The following EGFLAM variants were observed in gnomAD, a reference collection of about 807,000 sequenced individuals.
The protein encoded by EGFLAM is EGF like, fibronectin type III and laminin G domains.
Under a neutral mutation model 113.1 loss-of-function variants are expected in EGFLAM, and 79 were observed. That is an observed-to-expected ratio of 0.70 (90% CI 0.58 to 0.84). The LOEUF is 0.84. Ranked by LOEUF, EGFLAM falls within the 40% of genes least tolerant of loss-of-function variation. EGFLAM has a pLI of 0.00. For synonymous variants in EGFLAM, 504 were observed against 487.6 expected, an observed-to-expected ratio of 1.03 and a Z score of -0.44; for missense variants, 1,265 against 1,291.6, an observed-to-expected ratio of 0.98 and a Z score of 0.32.
At chr5:38,393,776 A>T (rs949026233) in intron 6 of EGFLAM, among the ~76,000 whole-genome samples, 3 of 152,202 alleles carry the variant, frequency 2.0e-5, no homozygotes, top group African/African-American at 7.2e-5. Context: ...CAAGCATGTT[A>T]CCACCAATGC....
At chr5:38,363,320 T>C (rs1739976628) in intron 5 of EGFLAM, among the ~76,000 whole-genome samples, 1 of 152,180 alleles carries the variant, frequency 6.6e-6, no homozygotes, top group African/African-American at 2.4e-5. Flanking sequence ...GGTGTTTAAC[T>C]GGCAGTCCAT....
intron 12 of EGFLAM, among the ~76,000 whole-genome samples, chr5:38,421,796 G>A (rs142480370): frequency 2.5e-4 from 38 of 152,252 alleles, no homozygotes; most frequent in Middle Eastern, 3.4e-3. Context: ...AAGAGTAGGA[G>A]TGAAAATGTG....
chr5:38,338,629 G>T, intron 2 of EGFLAM, 69 bp from the exon 3 acceptor site: 1 of 1,441,588 alleles, frequency 6.9e-7, no homozygotes, highest in Non-Finnish European at 9.8e-7. Context: ...CACTGTGAGT[G>T]CAATTACAAC....
intron 6 of EGFLAM, among the ~76,000 whole-genome samples, chr5:38,387,176 AG>A (rs1165428549): frequency 2.6e-5 from 4 of 152,178 alleles, no homozygotes; most frequent in African/African-American, 9.6e-5. Context: ...CAAAAGGCAT[AG>A]GGGCATAGAG....
intron 17 of EGFLAM, among the ~76,000 whole-genome samples, chr5:38,441,623 C>T (rs956723299): frequency 1.3e-5 from 2 of 151,904 alleles, no homozygotes; most frequent in Non-Finnish European, 2.9e-5. Context: ...CACACACACA[C>T]GCATTCACGT....
Position 38,427,130 on chromosome 5 carries a change from C to T in EGFLAM, c.1932C>T (p.Asp644=), listed in dbSNP as rs145112449. ...FMEFEITFRP[D]SGDGVLLYSY... ...AATTTGAGATCACATTTCGGCCAGA[C>T]TCAGGAGATGGTGTCCTCCTGTACA... The change falls in exon 14 of 22, where the codon GAC becomes GAT. Residue 644 remains aspartate, a synonymous_variant. Transcript: ENST00000322350. 2,946 of 1,614,150 alleles carry T rather than the reference C, an allele frequency of 1.8e-3. 3 individuals are homozygous for T. The highest frequency in any genetic ancestry group is 2.2e-3 in the Non-Finnish European group (2,645 of 1,180,022).
intron 1 of EGFLAM, among the ~76,000 whole-genome samples, chr5:38,332,980 G>A (rs555503632): frequency 6.6e-4 from 101 of 152,306 alleles, no homozygotes; most frequent in African/African-American, 1.5e-3. Context: ...ACACCCCAGC[G>A]TCTGTTGTTT....
chr5:38,438,147 A>C, intron 16 of EGFLAM, 128 bp from the exon 17 acceptor site: 2 of 866,238 alleles, frequency 2.3e-6, no homozygotes, highest in Non-Finnish European at 1.6e-6. Flanking sequence ...AAAAGTGGAA[A>C]CTGGACTTAA....
intron 17 of EGFLAM, among the ~76,000 whole-genome samples, chr5:38,444,293 A>T (rs1247697301): frequency 6.6e-6 from 1 of 152,256 alleles, no homozygotes; most frequent in Non-Finnish European, 1.5e-5. Context: ...TGTAGAAAAA[A>T]TTAGGTATAC....
At chr5:38,277,602 AAAGAAG>A (rs77448565) in intron 1 of EGFLAM, among the ~76,000 whole-genome samples, 1 of 151,582 alleles carries the variant, frequency 6.6e-6, no homozygotes, top group Non-Finnish European at 1.5e-5. Flanking sequence ...TCTAAATGGG[AAAGAAG>A]AAGTGAAACT....
At chr5:38,320,940 A>C (rs1300491133) in intron 1 of EGFLAM, among the ~76,000 whole-genome samples, 2 of 152,156 alleles carry the variant, frequency 1.3e-5, no homozygotes, top group Non-Finnish European at 2.9e-5. Flanking sequence ...CCTTCTAGAA[A>C]GTTCCCCGAC....
At chr5:38,304,204 C>T (rs988753417) in intron 1 of EGFLAM, among the ~76,000 whole-genome samples, 1 of 151,748 alleles carries the variant, frequency 6.6e-6, no homozygotes, top group Non-Finnish European at 1.5e-5. Context: ...CAGATTTACC[C>T]TTTGGAATTC....
At chr5:38,273,939 T>G (rs1351030549) in intron 1 of EGFLAM, among the ~76,000 whole-genome samples, 1 of 152,082 alleles carries the variant, frequency 6.6e-6, no homozygotes, top group Non-Finnish European at 1.5e-5. Flanking sequence ...TTAAGGAAGT[T>G]CAATGAACTT....
intron 10 of EGFLAM, 82 bp from the exon 11 acceptor site, chr5:38,412,422 C>T (rs1741508945): frequency 6.2e-7 from 1 of 1,603,902 alleles, no homozygotes; most frequent in Non-Finnish European, 8.5e-7. Context: ...GAGCTGTTGA[C>T]CTGGAAGTGA....
chr5:38,343,971 T>C (rs1739410678), intron 3 of EGFLAM, among the ~76,000 whole-genome samples: 1 of 152,250 alleles, frequency 6.6e-6, no homozygotes, highest in Non-Finnish European at 1.5e-5. Context: ...TCAAGTGCTC[T>C]ATTCAATTCA....
chr5:38,454,727 G>T (rs1743030181), intron 19 of EGFLAM, among the ~76,000 whole-genome samples: 1 of 152,196 alleles, frequency 6.6e-6, no homozygotes, highest in Admixed American at 6.5e-5. Flanking sequence ...TTTGATCCAG[G>T]CTCAAAGCAG....
At position 38,312,156 on chromosome 5, in the gene EGFLAM, A is replaced by G. The variant is rs201042192; in HGVS notation, c.98-25364A>G. Reference sequence around the variant, plus strand: ...GGTTACAAGTGCTGGCTTTGGAGCCAATCTGTCTTGGTTCAAATCGTGGTT... The same window carrying G: ...GGTTACAAGTGCTGGCTTTGGAGCCGATCTGTCTTGGTTCAAATCGTGGTT... On this transcript the variant is annotated intron_variant, in intron 1 of 21. Coordinates refer to ENST00000322350, the MANE Select transcript of EGFLAM (RefSeq NM_152403.4). Among the ~76,000 whole-genome samples the G allele has an allele frequency of 3.3e-5, 5 of 152,270 alleles. No homozygotes were observed. In the East Asian group the frequency reaches 9.6e-4, roughly 29 times the overall value.
intron 1 of EGFLAM, chr5:38,285,792 G>A (rs1349927752): frequency 6.6e-6 from 1 of 152,172 alleles, no homozygotes. Context: ...AAGTGAAGGG[G>A]GAAGAGCCCC....
chr5:38,398,677 G>A (rs916875353), intron 6 of EGFLAM, among the ~76,000 whole-genome samples: 5 of 152,216 alleles, frequency 3.3e-5, no homozygotes, highest in African/African-American at 9.6e-5. Flanking sequence ...ACGGTGAGAA[G>A]GAATACATTG....
Sources: allele counts gnomAD v4.1 joint callset (sites outside exome capture counted in the v4.1 genomes callset), GRCh38; gene constraint gnomAD v4.1.1; transcripts MANE v1.5; gene names NCBI Gene and HGNC (gene_info 2026-07-23, HGNC 2026-07-21).